RASAL1: variants seen among roughly 807,000 people sequenced by gnomAD.
RASAL1 encodes the protein RAS protein activator like 1.
In RASAL1, 72 loss-of-function variants were observed where a neutral mutation model predicts 96.6. The ratio of observed to expected loss-of-function variants is 0.75; its 90% confidence interval spans 0.62 to 0.91. The LOEUF (loss-of-function observed/expected upper bound fraction) is 0.91, where lower values mean the gene tolerates loss of function less well. Ranked by LOEUF, RASAL1 falls within the 40% of genes least tolerant of loss-of-function variation. The pLI is 0.00. For synonymous variants in RASAL1, 405 were observed against 430.4 expected (o/e 0.94, Z 0.73); for missense variants, 1,016 against 1,072.5 (o/e 0.95, Z 0.74).
intron 16 of RASAL1, among the ~76,000 whole-genome samples, chr12:113,105,007 G>A (rs1950597832): frequency 6.6e-6 from 1 of 152,218 alleles, no homozygotes; most frequent in Non-Finnish European, 1.5e-5. Flanking sequence ...ACGCTTCCAA[G>A]GTCACTCATT....
At position 113,102,563 on chromosome 12, in the gene RASAL1, CA is replaced by C. The variant is rs1950488964; in HGVS notation, c.2105-555del. ...AAAGGGTGAGACTCCATCTCACACA[CA>C]CACAAAAATATTAGCCTCACATGGT... On this transcript the variant is annotated intron_variant, in intron 18 of 20. Transcript: ENST00000548055. Among the ~76,000 whole-genome samples, 3 of 151,966 alleles carry C rather than the reference CA, an allele frequency of 2.0e-5. No homozygotes were observed. The South Asian group carries it at 6.2e-4, about 32-fold the overall frequency.
chr12:113,105,565 C>T, intron 16 of RASAL1, 149 bp downstream of exon 16: 1 of 840,062 alleles, frequency 1.2e-6, no homozygotes, highest in South Asian at 1.8e-5. Flanking sequence ...GTGAGCAGAG[C>T]CTGTCCTGAG....
Position 113,115,224 on chromosome 12 carries a change from G to T in RASAL1, c.1044C>A (p.Ser348=). The T allele has an allele frequency of 6.2e-7, 1 of 1,613,920 alleles. No homozygotes were observed. The highest frequency in any genetic ancestry group is 8.5e-7 in the Non-Finnish European group (1 of 1,179,770). The change falls in exon 11 of 21, where the codon TCC becomes TCA. Residue 348 remains serine, a synonymous_variant. Transcript: ENST00000548055. This position sits in a 1 kb window ranked among gnomAD's most constrained non-coding sequence, Gnocchi z 4.1. ...CCTTCATAAACTGTTCCATCGACTT[G>T]GATGCCAGGGAGTTAGAACGGAAGA... ...NTLFRSNSLA[S]KSMEQFMKLV... is the part of the protein sequence containing the mutation.
chr12:113,132,951 A>T (rs1299691064), intron 1 of RASAL1, among the ~76,000 whole-genome samples: 3 of 151,558 alleles, frequency 2.0e-5, no homozygotes, highest in Non-Finnish European at 4.4e-5. Flanking sequence ...TCACCTTCAG[A>T]CTCCTGTGGC....
At chr12:113,134,422 G>T (rs530840673) in intron 1 of RASAL1, among the ~76,000 whole-genome samples, 1 of 152,132 alleles carries the variant, frequency 6.6e-6, no homozygotes, top group African/African-American at 2.4e-5. Flanking sequence ...CTGCTCACCT[G>T]GGCCACAGGG....
intron 8 of RASAL1, 26 bp downstream of exon 8, chr12:113,117,047 C>G: frequency 6.5e-7 from 1 of 1,528,494 alleles, no homozygotes; most frequent in South Asian, 1.2e-5. Flanking sequence ...TCCAGCCTGG[C>G]CCCCTCCCTC....
rs145139178 is a variant in RASAL1, at chr12:113,112,480, C to T, written c.1182-202G>A. 6.0e-3 allele frequency among the ~76,000 whole-genome samples: 918 copies of T among 152,310 alleles called. 4 individuals carry two copies. Among genetic ancestry groups the T allele is most frequent in the Admixed American group, 8.9e-3 (137 of 15,308 alleles). On this transcript the variant is annotated intron_variant, in intron 12 of 20. Transcript: ENST00000548055. ...TCCTGCAGCCTTTGCACTGGCTTATCTCCGTGCCCAGAACACTCTCCCGTT... is the reference window on the plus strand; with the variant it reads ...TCCTGCAGCCTTTGCACTGGCTTATTTCCGTGCCCAGAACACTCTCCCGTT...
intron 12 of RASAL1, 67 bp downstream of exon 12, chr12:113,114,733 C>G (rs1196578234): frequency 7.2e-7 from 1 of 1,386,480 alleles, no homozygotes; most frequent in Non-Finnish European, 1.0e-6. Context: ...TGAACCCAGC[C>G]CCCAGACAAG....
intron 4 of RASAL1, among the ~76,000 whole-genome samples, chr12:113,127,077 T>C (rs915528229): frequency 5.3e-5 from 8 of 151,048 alleles, no homozygotes; most frequent in African/African-American, 2.0e-4. Context: ...TTAGTAGCAA[T>C]GGGGTCTCCC....
intron 4 of RASAL1, 75 bp downstream of exon 4, chr12:113,127,737 G>C: frequency 4.0e-6 from 5 of 1,251,406 alleles, no homozygotes; most frequent in South Asian, 1.3e-5. Flanking sequence ...GCTTCACCGT[G>C]CCATGTGCTA....
intron 4 of RASAL1, 33 bp from the exon 5 acceptor site, chr12:113,121,671 G>A (rs371819478): frequency 1.3e-4 from 212 of 1,612,432 alleles, no homozygotes; most frequent in Middle Eastern, 4.9e-4. Flanking sequence ...TTTATGAAGC[G>A]CCTACCATGT....
chr12:113,115,128 G>C lies in RASAL1; in HGVS notation c.1068+72C>G. On this transcript the variant is annotated intron_variant, in intron 11 of 20. Transcript: ENST00000548055. This position sits in a 1 kb window ranked among gnomAD's most constrained non-coding sequence, Gnocchi z 4.1. ...GCTGTCTGAAGCCAGCTAAGTGAGGGAGCCAGGTAGGCACTGGGAAGGAGG... is the reference window on the plus strand; with the variant it reads ...GCTGTCTGAAGCCAGCTAAGTGAGGCAGCCAGGTAGGCACTGGGAAGGAGG... 1 of 1,459,248 alleles carries C rather than the reference G, an allele frequency of 6.9e-7. No homozygotes were observed. The allele number at this position is 1,459,248 out of a possible 1,614,324, so 90.4% of individuals were successfully genotyped here.
Position 113,130,743 on chromosome 12 carries a change from T to C in RASAL1, c.122+142A>G. On this transcript the variant is annotated intron_variant, in intron 2 of 20. Coordinates refer to ENST00000548055, the MANE Select transcript of RASAL1 (RefSeq NM_001301202.2). This position sits in a 1 kb window ranked among gnomAD's most constrained non-coding sequence, Gnocchi z 5.1. ...GGGGAGAGGAGCTGGCAGTCCCAGC[T>C]GGACACAAATCACCCACCTGCAGGC... The C allele has an allele frequency of 1.5e-6, 1 of 653,390 alleles. No homozygotes were observed. The highest frequency in any genetic ancestry group is 2.6e-6 in the Non-Finnish European group (1 of 381,544). 40.5% of individuals were successfully genotyped at this position (653,390 alleles called of 1,614,324 possible).
At chr12:113,110,849 A>G (rs1194051575) in intron 13 of RASAL1, among the ~76,000 whole-genome samples, 1 of 152,232 alleles carries the variant, frequency 6.6e-6, no homozygotes, top group Non-Finnish European at 1.5e-5. Context: ...CCTGGGATAG[A>G]GGCTGCAGTG....
At position 113,134,004 on chromosome 12, in the gene RASAL1, T is replaced by G. The variant is rs1361970132; in HGVS notation, c.65+1394A>C. Among the ~76,000 whole-genome samples, 2 of 152,126 alleles carry G rather than the reference T, an allele frequency of 1.3e-5. 1 individual carries two copies. Among genetic ancestry groups the G allele is most frequent in the Non-Finnish European group, 2.9e-5 (2 of 68,020 alleles). ...CCAGGGCTGGTGGAGGGGCCAGAGC[T>G]CAGTGAGTGAGAACCCCGTTTCTGG... is the stretch of plus-strand genomic sequence containing the variant. On this transcript the variant is annotated intron_variant, in intron 1 of 20. Coordinates refer to ENST00000548055, the MANE Select transcript of RASAL1 (RefSeq NM_001301202.2).
At chr12:113,120,357 C>T (rs1033213002) in intron 5 of RASAL1, among the ~76,000 whole-genome samples, 2 of 152,182 alleles carry the variant, frequency 1.3e-5, no homozygotes, top group South Asian at 2.1e-4. Flanking sequence ...GCCTCTGCCC[C>T]CTGCTGAGTC....
intron 7 of RASAL1, among the ~76,000 whole-genome samples, chr12:113,117,363 G>C (rs2136192145): frequency 6.6e-6 from 1 of 152,334 alleles, no homozygotes; most frequent in South Asian, 2.1e-4. Flanking sequence ...GGGCCTACCA[G>C]GGACACTTAA....
chr12:113,117,898 G>A, intron 7 of RASAL1, among the ~76,000 whole-genome samples: 1 of 152,152 alleles, frequency 6.6e-6, no homozygotes. Flanking sequence ...TAACGTATAA[G>A]GAAATCAAAT....
Position 113,135,416 on chromosome 12 carries a change from G to T in RASAL1, c.47C>A (p.Ala16Glu), listed in dbSNP as rs1323106928. 6.2e-7 allele frequency: 1 copy of T among 1,609,742 alleles called. No individual in the cohort carries two copies. Among genetic ancestry groups the T allele is most frequent in the East Asian group, 2.2e-5 (1 of 44,648 alleles). ...TACTCACACGTCCTTGGCAGGCAGC[G>T]CGCGGCCCTCCACCACGCGAACATT... ...SLNVRVVEGRALPAKDVSGSS... is the reference protein window; with the variant it reads ...SLNVRVVEGRELPAKDVSGSS... Residue 16 changes from alanine (A) to glutamate (E), a missense_variant, in exon 1 of 21, where the codon GCG becomes GAG. Transcript: ENST00000548055. The surrounding 1 kb of genome is among the most constrained non-coding windows in gnomAD (Gnocchi z 5.7).
Sources: allele counts gnomAD v4.1 joint callset (sites outside exome capture counted in the v4.1 genomes callset), GRCh38; gene constraint gnomAD v4.1.1; non-coding constraint Gnocchi (gnomAD v3.1); transcripts MANE v1.5; gene names NCBI Gene and HGNC (gene_info 2026-07-23, HGNC 2026-07-21).